The following ANKDD1A variants were observed in gnomAD, a reference collection of about 807,000 sequenced individuals.
The protein encoded by ANKDD1A is ankyrin repeat and death domain-containing protein 1A.
A neutral mutation model predicts 63.5 loss-of-function variants in ANKDD1A; 59 were observed. That is an observed-to-expected ratio of 0.93 (90% CI 0.75 to 1.15). ANKDD1A has a LOEUF of 1.15. ANKDD1A is among the 50% of genes most tolerant of loss of function. The pLI is 0.00. For synonymous variants in ANKDD1A, 266 were observed against 263.9 expected (o/e 1.01, Z -0.08); for missense variants, 632 against 656.4 (o/e 0.96, Z 0.41).
chr15:64,936,314 C>T (rs1325630147), intron 9 of ANKDD1A, among the ~76,000 whole-genome samples: 1 of 152,102 alleles, frequency 6.6e-6, no homozygotes, highest in Non-Finnish European at 1.5e-5. Context: ...TAAATGCTTA[C>T]TTGTTTCTGC....
intron 13 of ANKDD1A, 83 bp downstream of exon 13, chr15:64,947,676 C>T (rs2085234795): frequency 6.7e-7 from 1 of 1,499,042 alleles, no homozygotes; most frequent in Non-Finnish European, 9.0e-7. Context: ...TTCTGTGCTT[C>T]TGGTGAAAGG....
chr15:64,926,216 C>T (rs2085045630), intron 5 of ANKDD1A, 46 bp downstream of exon 5: 2 of 1,565,952 alleles, frequency 1.3e-6, no homozygotes, highest in African/African-American at 1.4e-5. Flanking sequence ...GGGCGGGGGG[C>T]TCCTGGGGCC....
At chr15:64,928,328 A>G (rs1025176896) in intron 6 of ANKDD1A, among the ~76,000 whole-genome samples, 8 of 152,252 alleles carry the variant, frequency 5.3e-5, no homozygotes, top group Non-Finnish European at 1.5e-5. Context: ...TAGGCATGCA[A>G]AGAGCGGGGA....
chr15:64,918,818 G>T lies in ANKDD1A; in HGVS notation c.267+1304G>T, dbSNP rs571987534. ...AAAATACAAAAATTAGCTGGGTGTG[G>T]TGGCACACACCTGTGATCCCAGCTG... On this transcript the variant is annotated intron_variant, in intron 3 of 14. Coordinates refer to ENST00000319580, the MANE Select transcript of ANKDD1A (RefSeq NM_182703.6). 7.9e-5 allele frequency among the ~76,000 whole-genome samples: 12 copies of T among 152,174 alleles called. No homozygotes were observed. In the South Asian group the frequency reaches 2.1e-3, roughly 26 times the overall value.
At chr15:64,917,019 G>A (rs72737234) in intron 2 of ANKDD1A, among the ~76,000 whole-genome samples, 2,680 of 152,318 alleles carry the variant, frequency 0.018, 44 homozygotes, top group South Asian at 0.026. Context: ...TCCAGCAGGG[G>A]GAACAGCAGG....
intron 6 of ANKDD1A, among the ~76,000 whole-genome samples, chr15:64,928,295 G>A (rs2085062895): frequency 6.6e-6 from 1 of 152,256 alleles, no homozygotes; most frequent in Admixed American, 6.5e-5. Context: ...GTCCTACCCT[G>A]TGCAAGGCAC....
intron 4 of ANKDD1A, 45 bp from the exon 5 acceptor site, chr15:64,926,021 G>T: frequency 2.6e-6 from 4 of 1,556,082 alleles, no homozygotes; most frequent in Middle Eastern, 4.0e-4. Context: ...TGTGAAAAGG[G>T]CCTCCCTTCA....
chr15:64,917,385 G>A lies in ANKDD1A; in HGVS notation c.139-1G>A. The A allele has an allele frequency of 1.2e-6, 2 of 1,604,232 alleles. No homozygotes were observed. The highest frequency in any genetic ancestry group is 8.5e-7 in the Non-Finnish European group (1 of 1,174,766). On this transcript the variant is annotated splice_acceptor_variant, in intron 2 of 14. Coordinates refer to ENST00000319580, the MANE Select transcript of ANKDD1A (RefSeq NM_182703.6). LOFTEE classifies it high-confidence loss of function. ...GACAAGTGTCATCTCCCTCCGGGCAGGTGGGCAGGGTGGCCCTGCACTGGG... is the reference window on the plus strand; with the variant it reads ...GACAAGTGTCATCTCCCTCCGGGCAAGTGGGCAGGGTGGCCCTGCACTGGG...
intron 9 of ANKDD1A, among the ~76,000 whole-genome samples, chr15:64,941,557 C>T (rs1158260405): frequency 2.0e-5 from 3 of 152,200 alleles, no homozygotes; most frequent in Non-Finnish European, 4.4e-5. Flanking sequence ...ATATTGATAA[C>T]ACTCCATACC....
chr15:64,926,210 G>C (rs150428985), intron 5 of ANKDD1A, 40 bp downstream of exon 5: 2 of 1,590,880 alleles, frequency 1.3e-6, no homozygotes, highest in Admixed American at 3.4e-5. Context: ...CCCATTGGGC[G>C]GGGGGCTCCT....
Position 64,922,163 on chromosome 15 carries a change from C to T in ANKDD1A, c.366+144C>T, listed in dbSNP as rs832887. The stretch of plus-strand genomic sequence containing the variant: ...CTGTCCCTCTTTCATCTGATCTCCC[C>T]CACCTCCCTTTACTATTCGGTGAGT... On this transcript the variant is annotated intron_variant, in intron 4 of 14. Transcript: ENST00000319580. 7,025 of 661,016 alleles carry T rather than the reference C, an allele frequency of 0.011. 369 individuals carry two copies. The African/African-American group carries it at 0.11, about 11-fold the overall frequency. The allele number at this position is 661,016 out of a possible 1,614,324, so 40.9% of individuals were successfully genotyped here. A position where few individuals can be genotyped will look rare whatever the true frequency, so the allele number is the denominator to read the frequency against.
At chr15:64,930,678 G>T (rs1417610444) in intron 6 of ANKDD1A, 144 bp from the exon 7 acceptor site, 1 of 691,554 alleles carries the variant, frequency 1.4e-6, no homozygotes, top group Non-Finnish European at 2.4e-6. Flanking sequence ...CTTGGCCCTT[G>T]AATCTGCCCC....
intron 9 of ANKDD1A, among the ~76,000 whole-genome samples, chr15:64,936,978 A>T (rs1306204520): frequency 6.6e-6 from 1 of 152,246 alleles, no homozygotes; most frequent in African/African-American, 2.4e-5. Flanking sequence ...AGAGAAATGC[A>T]AATTAATACT....
chr15:64,944,962 T>C (rs2085211716), intron 12 of ANKDD1A, among the ~76,000 whole-genome samples: 1 of 152,212 alleles, frequency 6.6e-6, no homozygotes, highest in South Asian at 2.1e-4. Flanking sequence ...CTGAGGTCCA[T>C]GCCAGCGTGG....
intron 7 of ANKDD1A, 110 bp downstream of exon 7, chr15:64,931,030 G>C: frequency 8.7e-7 from 1 of 1,147,906 alleles, no homozygotes; most frequent in South Asian, 1.5e-5. Flanking sequence ...CTGAGGGCAT[G>C]ATCTCGAACT....
chr15:64,935,273 G>A (rs1366978276), intron 9 of ANKDD1A, among the ~76,000 whole-genome samples: 2 of 150,594 alleles, frequency 1.3e-5, no homozygotes, highest in Non-Finnish European at 2.9e-5. Context: ...GCGTGAGCCT[G>A]TAATCCCAGC....
At chr15:64,933,969 G>T (rs965811412) in intron 8 of ANKDD1A, 167 bp from the exon 9 acceptor site, 39 of 511,958 alleles carry the variant, frequency 7.6e-5, no homozygotes, top group Non-Finnish European at 1.2e-4. Context: ...TCCTTTTACT[G>T]GTCATGAGAC....
At position 64,931,924 on chromosome 15, in the gene ANKDD1A, T is replaced by TA. The variant is rs1461856587; in HGVS notation, c.768+340dup. ...GTTTTAATTTTTTTGAGATGGGTCT[T>TA]ACTCTGTCGCCCAGGCTGAAGTGCA... On this transcript the variant is annotated intron_variant, in intron 8 of 14. Transcript: ENST00000319580. The TA allele has an allele frequency of 2.8e-5, 12 of 429,026 alleles. No individual in the cohort carries two copies. The Admixed American group carries it at 3.3e-4, about 12-fold the overall frequency. 26.6% of individuals were successfully genotyped at this position (429,026 alleles called of 1,614,324 possible). A position where few individuals can be genotyped will look rare whatever the true frequency, so the allele number is the denominator to read the frequency against.
intron 14 of ANKDD1A, among the ~76,000 whole-genome samples, chr15:64,951,676 C>T (rs2085282018): frequency 2.4e-5 from 2 of 82,760 alleles, no homozygotes; most frequent in Non-Finnish European, 4.8e-5. Flanking sequence ...TTCTTTCTTT[C>T]CTTCTTTCTT....
Sources: gnomAD v4.1 joint callset for allele counts (sites outside exome capture counted in the v4.1 genomes callset) on GRCh38, gnomAD v4.1.1 for gene constraint, MANE v1.5 for transcripts, NCBI Gene and HGNC (gene_info 2026-07-23, HGNC 2026-07-21) for gene names.